Variants in PLEKHA5 observed in about 807,000 individuals in gnomAD.
The protein encoded by PLEKHA5 is pleckstrin homology domain-containing family A member 5.
In PLEKHA5, 55 loss-of-function variants were observed where a neutral mutation model predicts 181.9. That is an observed-to-expected ratio of 0.30 (90% CI 0.24 to 0.38). PLEKHA5 has a LOEUF of 0.38. Among genes scored for constraint, PLEKHA5 ranks in the 10% least tolerant of loss-of-function variants. PLEKHA5 has a pLI of 1.00. For synonymous variants in PLEKHA5, 535 were observed against 529.4 expected, an observed-to-expected ratio of 1.01 and a Z score of -0.15; for missense variants, 1,432 against 1,549.5, an observed-to-expected ratio of 0.92 and a Z score of 1.27.
At chr12:19,169,734 TG>T (rs2045450610) in intron 3 of PLEKHA5, among the ~76,000 whole-genome samples, 1 of 152,190 alleles carries the variant, frequency 6.6e-6, no homozygotes, top group Non-Finnish European at 1.5e-5. Flanking sequence ...AAACCATCAT[TG>T]GCTTTTGGGA....
chr12:19,301,791 C>T (rs2081537656), intron 15 of PLEKHA5, among the ~76,000 whole-genome samples: 2 of 152,128 alleles, frequency 1.3e-5, no homozygotes, highest in Non-Finnish European at 2.9e-5. Flanking sequence ...ATAACCCCTT[C>T]AGTTATAAAG....
At chr12:19,318,655 G>A (rs998442179) in intron 16 of PLEKHA5, among the ~76,000 whole-genome samples, 1 of 152,124 alleles carries the variant, frequency 6.6e-6, no homozygotes, top group Non-Finnish European at 1.5e-5. Context: ...GGGCGTGGTG[G>A]CTCACGCCTA....
chr12:19,317,196 G>A (rs1192222939), intron 16 of PLEKHA5, among the ~76,000 whole-genome samples: 1 of 152,006 alleles, frequency 6.6e-6, no homozygotes, highest in Admixed American at 6.6e-5. Flanking sequence ...GCAAGACCCT[G>A]TCTCTGCAAA....
At chr12:19,172,964 GT>G (rs33953502) in intron 3 of PLEKHA5, among the ~76,000 whole-genome samples, 85,752 of 114,038 alleles carry the variant, frequency 0.75, 33,272 homozygotes, top group Non-Finnish European at 0.88. Flanking sequence ...GAAAAAAGTT[GT>G]TTTTTTTTTT....
At chr12:19,207,176 CAT>C (rs1326637655) in intron 3 of PLEKHA5, 4 of 152,064 alleles carry the variant, frequency 2.6e-5, no homozygotes, top group Non-Finnish European at 5.9e-5. Flanking sequence ...ACTTCTTTCT[CAT>C]ATTCACTGTA....
chr12:19,367,244 T>TCG (rs922438777), intron 30 of PLEKHA5, among the ~76,000 whole-genome samples: 6 of 147,782 alleles, frequency 4.1e-5, no homozygotes, highest in Non-Finnish European at 8.9e-5. Context: ...GTGCATATTA[T>TCG]CGCTTTGCTT....
intron 3 of PLEKHA5, among the ~76,000 whole-genome samples, chr12:19,156,636 A>T (rs2041786838): frequency 6.6e-6 from 1 of 152,034 alleles, no homozygotes; most frequent in South Asian, 2.1e-4. Context: ...ATTTGGTATG[A>T]ACTCTGATAA....
At chr12:19,363,727 G>A (rs1287760061) in intron 29 of PLEKHA5, among the ~76,000 whole-genome samples, 2 of 151,124 alleles carry the variant, frequency 1.3e-5, no homozygotes, top group Non-Finnish European at 3.0e-5. Context: ...CCTGACCTCA[G>A]GTGATCCACC....
At chr12:19,165,663 C>CT (rs1295661053) in intron 3 of PLEKHA5, among the ~76,000 whole-genome samples, 6 of 152,150 alleles carry the variant, frequency 3.9e-5, no homozygotes, top group Non-Finnish European at 8.8e-5. Context: ...TCAACCTGTG[C>CT]TTTAACCAAG....
chr12:19,217,981 TG>T (rs1289579704), intron 3 of PLEKHA5, among the ~76,000 whole-genome samples: 1 of 152,198 alleles, frequency 6.6e-6, no homozygotes, highest in East Asian at 1.9e-4. Flanking sequence ...AATGTTTCTG[TG>T]GGTCAGGAAA....
In PLEKHA5 at chr12:19,205,358, TCTGTC is replaced by T. The variant is rs2055173850; in HGVS notation, c.228-48581_228-48577del. 6 of 984,706 alleles carry T rather than the reference TCTGTC, an allele frequency of 6.1e-6. No homozygotes were observed. The South Asian group carries it at 2.3e-4, about 39-fold the overall frequency. The allele number at this position is 984,706 out of a possible 1,614,324, so 61.0% of individuals were successfully genotyped here. A position where few individuals can be genotyped will look rare whatever the true frequency, so the allele number is the denominator to read the frequency against. Reference sequence around the variant, plus strand: ...TCACGGTGTGCCCCTTTGTCATCGTTCTGTCAGGAAGCATGTAATTTGTCTTTAGA... The same window carrying T: ...TCACGGTGTGCCCCTTTGTCATCGTTAGGAAGCATGTAATTTGTCTTTAGA... On this transcript the variant is annotated intron_variant, in intron 3 of 31. Transcript: ENST00000429027.
intron 3 of PLEKHA5, among the ~76,000 whole-genome samples, chr12:19,189,047 T>C (rs1200852890): frequency 1.3e-5 from 2 of 152,152 alleles, no homozygotes; most frequent in Admixed American, 6.5e-5. Context: ...ATAAAGTGTG[T>C]TTAAATGGGT....
chr12:19,259,201 A>G (rs2067680313), intron 6 of PLEKHA5, among the ~76,000 whole-genome samples: 1 of 151,744 alleles, frequency 6.6e-6, no homozygotes, highest in South Asian at 2.1e-4. Flanking sequence ...TACTTTAAAA[A>G]AAAACAAAAA....
At chr12:19,328,191 G>A (rs373583519) in intron 20 of PLEKHA5, among the ~76,000 whole-genome samples, 48 of 152,234 alleles carry the variant, frequency 3.2e-4, no homozygotes, top group East Asian at 3.1e-3. Flanking sequence ...CTTGGTCTGC[G>A]TCTGTTTTTG....
chr12:19,254,174 A>T, intron 4 of PLEKHA5, 151 bp downstream of exon 4: 1 of 626,312 alleles, frequency 1.6e-6, no homozygotes, highest in Non-Finnish European at 2.8e-6. Flanking sequence ...TGTGTCATAT[A>T]GAAACCTGAG....
chr12:19,129,899 G>A lies in PLEKHA5; in HGVS notation c.89+11G>A. 1 of 1,596,806 alleles carries A rather than the reference G, an allele frequency of 6.3e-7. No homozygotes were observed. On this transcript the variant is annotated intron_variant, in intron 1 of 31. Transcript: ENST00000429027. ...AGTCTTCTTCATCAAGTAAAGAGCC[G>A]GGGACGGCACGGGGGCCCGCGGGGG...
At chr12:19,272,024 A>C (rs535826149) in intron 10 of PLEKHA5, among the ~76,000 whole-genome samples, 1 of 152,316 alleles carries the variant, frequency 6.6e-6, no homozygotes, top group Admixed American at 6.5e-5. Flanking sequence ...TCAAATACTT[A>C]AAATATTTAT....
intron 15 of PLEKHA5, among the ~76,000 whole-genome samples, chr12:19,308,105 AAAG>A (rs2084803120): frequency 6.6e-6 from 1 of 152,124 alleles, no homozygotes; most frequent in African/African-American, 2.4e-5. Flanking sequence ...GAGAGGAAAA[AAAG>A]AGAAGAAAGC....
intron 3 of PLEKHA5, among the ~76,000 whole-genome samples, chr12:19,211,880 C>T (rs1235879841): frequency 6.6e-6 from 1 of 152,076 alleles, no homozygotes; most frequent in Non-Finnish European, 1.5e-5. Context: ...GAGGTACTGC[C>T]TTATCATGCC....
Sources: gnomAD v4.1 joint callset for allele counts (sites outside exome capture counted in the v4.1 genomes callset) on GRCh38, gnomAD v4.1.1 for gene constraint, MANE v1.5 for transcripts, NCBI Gene and HGNC (gene_info 2026-07-23, HGNC 2026-07-21) for gene names.